CRYBB2: variants seen among roughly 807,000 people sequenced by gnomAD.
The protein encoded by CRYBB2 is beta-crystallin B2.
A neutral mutation model predicts 24.3 loss-of-function variants in CRYBB2; 12 were observed. The observed-to-expected ratio is 0.49, with a 90% CI of 0.32 to 0.80. The LOEUF is 0.80. CRYBB2 is among the 30% of genes least tolerant of loss of function. The probability of loss-of-function intolerance (pLI) is 0.04; values close to 1 mark genes in which losing one functional copy is unlikely to be tolerated. For synonymous variants in CRYBB2, 98 were observed against 101.6 expected (o/e 0.96, Z 0.21); for missense variants, 198 against 268.5 (o/e 0.74, Z 1.83).
chr22:25,222,647 C>T (rs1193251602), intron 2 of CRYBB2, among the ~76,000 whole-genome samples: 7 of 152,072 alleles, frequency 4.6e-5, no homozygotes, highest in East Asian at 3.9e-4. Flanking sequence ...GCAAAGACTC[C>T]GAGGTGGGAA....
intron 2 of CRYBB2, among the ~76,000 whole-genome samples, chr22:25,223,749 G>A (rs1181485982): frequency 1.3e-5 from 2 of 152,168 alleles, no homozygotes; most frequent in Non-Finnish European, 1.5e-5. Context: ...CCGACTGAGA[G>A]TGTGCTGACC....
In CRYBB2 at chr22:25,231,725, C is replaced by T. The variant is rs148209404; in HGVS notation, c.571C>T (p.Arg191Cys). ...CCAGGTGCAGTCCGTGCGCCGTATC[C>T]GCGACATGCAGTGGCACCAACGTGG... ...HPQVQSVRRI[R>C]DMQWHQRGAF... The change falls in exon 6 of 6, where the codon CGC becomes TGC. Residue 191 changes from arginine (R) to cysteine (C), a missense_variant. Arg to Cys is a radical substitution (Grantham distance 180, BLOSUM62 -3). Transcript: ENST00000398215. 1.1e-4 allele frequency: 182 copies of T among 1,614,094 alleles called. No individual in the cohort carries two copies. Among genetic ancestry groups the T allele is most frequent in the Admixed American group, 7.8e-4 (47 of 60,016 alleles).
chr22:25,218,135 T>C (rs1935205284), upstream of CRYBB2, among the ~76,000 whole-genome samples: 1 of 150,726 alleles, frequency 6.6e-6, no homozygotes, highest in Non-Finnish European at 1.5e-5. Flanking sequence ...GGCGGGCGCC[T>C]GTAGTCCCAG....
At chr22:25,213,957 G>A (rs1056752536) in intron 1 of CRYBB2, among the ~76,000 whole-genome samples, 1 of 152,056 alleles carries the variant, frequency 6.6e-6, no homozygotes. Flanking sequence ...GTAGGCACTG[G>A]GGGCACGAAG....
chr22:25,217,873 A>G (rs1244099490), upstream of CRYBB2, among the ~76,000 whole-genome samples: 2 of 152,128 alleles, frequency 1.3e-5, no homozygotes, highest in Admixed American at 1.3e-4. Context: ...AAAATGAGAG[A>G]CAGGGGAAAG....
chr22:25,218,684 GA>G (rs1288247031), upstream of CRYBB2, among the ~76,000 whole-genome samples: 4 of 83,104 alleles, frequency 4.8e-5, no homozygotes, highest in African/African-American at 7.1e-5. Context: ...GAAAGAGAAA[GA>G]AAGAAAGAGA....
At chr22:25,229,412 C>T (rs1315208851) in intron 4 of CRYBB2, 24 bp from the exon 5 acceptor site, 1 of 1,590,586 alleles carries the variant, frequency 6.3e-7, no homozygotes, top group East Asian at 2.3e-5. Context: ...CCCATACTCA[C>T]TTCCCCCCAT....
At chr22:25,230,188 G>T in intron 5 of CRYBB2, among the ~76,000 whole-genome samples, 1 of 148,698 alleles carries the variant, frequency 6.7e-6, no homozygotes, top group Non-Finnish European at 1.5e-5. Flanking sequence ...ACGGAGGCGC[G>T]CACTTTCGCC....
At chr22:25,221,589 C>A in intron 2 of CRYBB2, 106 bp downstream of exon 2, 1 of 797,520 alleles carries the variant, frequency 1.3e-6, no homozygotes, top group Non-Finnish European at 2.2e-6. Context: ...CCCCTCTCGA[C>A]CCCTGCCCCT....
At chr22:25,226,840 CTT>C (rs1935426655) in intron 3 of CRYBB2, among the ~76,000 whole-genome samples, 1 of 152,178 alleles carries the variant, frequency 6.6e-6, no homozygotes. Context: ...TGCTGCCTAA[CTT>C]TTTGTGTTTT....
chr22:25,229,948 C>T (rs1176966224), intron 5 of CRYBB2, among the ~76,000 whole-genome samples: 1 of 151,098 alleles, frequency 6.6e-6, no homozygotes, highest in Non-Finnish European at 1.5e-5. Context: ...GCAGGAGGAC[C>T]AGCCCATGCT....
chr22:25,227,933 G>A lies in CRYBB2; in HGVS notation c.254G>A (p.Trp85Ter). The change falls in exon 4 of 6, where the codon TGG becomes TAG. Residue 85 changes from tryptophan (W) to a stop codon, truncating the protein, a stop_gained. Transcript: ENST00000398215. LOFTEE classifies it high-confidence loss of function. ...GGTGAGTACCCCCGCTGGGACTCAT[G>A]GACCAGCAGCCGAAGGACGGACTCC... ...EKGEYPRWDS[W>*]TSSRRTDSLS... 1.2e-6 allele frequency: 2 copies of A among 1,614,156 alleles called. No individual in the cohort carries two copies. The highest frequency in any genetic ancestry group is 1.7e-6 in the Non-Finnish European group (2 of 1,180,026).
At chr22:25,217,981 C>T (rs891655103), upstream of CRYBB2, among the ~76,000 whole-genome samples, 7 of 152,014 alleles carry the variant, frequency 4.6e-5, no homozygotes, top group South Asian at 2.1e-4. Context: ...GAGTAAAGGC[C>T]GGGCGCGGTG....
At chr22:25,216,723 C>CA (rs1483288697), upstream of CRYBB2, among the ~76,000 whole-genome samples, 1 of 152,114 alleles carries the variant, frequency 6.6e-6, no homozygotes, top group Non-Finnish European at 1.5e-5. Context: ...CACTATCCAT[C>CA]CCCAGCTTTT....
At chr22:25,212,517 G>A (rs982694099), upstream of CRYBB2, among the ~76,000 whole-genome samples, 10 of 152,304 alleles carry the variant, frequency 6.6e-5, no homozygotes, top group African/African-American at 2.4e-4. Context: ...CCAAGTCTTG[G>A]CTCTCTTGGG....
rs748269360 is a variant in CRYBB2 at position 25,221,488 on chromosome 22, G to C, written c.54+5G>C. 3.1e-6 allele frequency: 5 copies of C among 1,610,122 alleles called. No homozygotes were observed. Among genetic ancestry groups the C allele is most frequent in the Non-Finnish European group, 3.4e-6 (4 of 1,176,470 alleles). Reference sequence around the variant, plus strand: ...CCACAGTCCCTCAACCCCAAGGTGGGTACCTCTCAGAGGAGGGGGCATGCA... The same window carrying C: ...CCACAGTCCCTCAACCCCAAGGTGGCTACCTCTCAGAGGAGGGGGCATGCA... On this transcript the variant is annotated splice_donor_5th_base_variant and intron_variant, in intron 2 of 5. Transcript: ENST00000398215.
chr22:25,223,858 C>T (rs999023735), intron 2 of CRYBB2, among the ~76,000 whole-genome samples: 7 of 152,168 alleles, frequency 4.6e-5, no homozygotes, highest in Non-Finnish European at 1.0e-4. Flanking sequence ...CGGTGGCTCA[C>T]GCCTGTAATC....
At position 25,221,433 on chromosome 22, in the gene CRYBB2, G is replaced by T. The variant is rs778402157; in HGVS notation, c.4G>T (p.Ala2Ser). M[A>S]SDHQTQAGKP... ...TTCCTGCACAGGACAGTCCACCATGGCCTCAGATCACCAGACCCAGGCGGG... is the reference window on the plus strand; with the variant it reads ...TTCCTGCACAGGACAGTCCACCATGTCCTCAGATCACCAGACCCAGGCGGG... Residue 2 changes from alanine to serine, a missense_variant, in exon 2 of 6, where the codon GCC becomes TCC. Transcript: ENST00000398215. The T allele has an allele frequency of 1.9e-6, 3 of 1,613,712 alleles. No homozygotes were observed. In the African/African-American group the frequency reaches 4.0e-5, roughly 22 times the overall value.
chr22:25,228,584 A>G (rs1246279270), intron 4 of CRYBB2, among the ~76,000 whole-genome samples: 2 of 152,140 alleles, frequency 1.3e-5, no homozygotes, highest in African/African-American at 4.8e-5. Flanking sequence ...CAAACCCTCC[A>G]AGCCCAGTCT....
Sources: allele counts gnomAD v4.1 joint callset (sites outside exome capture counted in the v4.1 genomes callset), GRCh38; gene constraint gnomAD v4.1.1; transcripts MANE v1.5; gene names NCBI Gene and HGNC (gene_info 2026-07-23, HGNC 2026-07-21).